Variants in PLEKHA7 observed in about 807,000 individuals in gnomAD.
The protein encoded by PLEKHA7 is pleckstrin homology domain containing A7.
A neutral mutation model predicts 170.0 loss-of-function variants in PLEKHA7; 104 were observed. That is an observed-to-expected ratio of 0.61 (90% confidence interval 0.52 to 0.72). The LOEUF (loss-of-function observed/expected upper bound fraction) is 0.72. PLEKHA7 is among the 30% of genes least tolerant of loss of function. PLEKHA7 has a pLI of 0.00. For synonymous variants in PLEKHA7, 648 were observed against 660.8 expected (o/e 0.98, Z 0.30); for missense variants, 1,615 against 1,671.7 (o/e 0.97, Z 0.59).
At chr11:16,795,039 G>C in intron 17 of PLEKHA7, 21 bp from the exon 18 acceptor site, 1 of 1,550,352 alleles carries the variant, frequency 6.5e-7, no homozygotes, top group African/African-American at 1.4e-5. Context: ...CGAAGTGGTG[G>C]GTTTGCCTTC....
chr11:17,001,459 G>A (rs971464036), intron 3 of PLEKHA7, among the ~76,000 whole-genome samples: 2 of 152,118 alleles, frequency 1.3e-5, no homozygotes, highest in Non-Finnish European at 2.9e-5. Context: ...GTGAGTGAAC[G>A]AACCTAAACC....
At chr11:16,780,109 C>T (rs1006396394) in intron 26 of PLEKHA7, among the ~76,000 whole-genome samples, 7 of 152,250 alleles carry the variant, frequency 4.6e-5, no homozygotes, top group Non-Finnish European at 1.0e-4. Flanking sequence ...AGGGGAAAGC[C>T]CTGCAAAATG....
At chr11:16,811,366 T>C (rs1046096623) in intron 13 of PLEKHA7, among the ~76,000 whole-genome samples, 1 of 152,232 alleles carries the variant, frequency 6.6e-6, no homozygotes, top group African/African-American at 2.4e-5. Context: ...ATGGATGCTC[T>C]ACAGGTATGT....
intron 3 of PLEKHA7, among the ~76,000 whole-genome samples, chr11:16,932,456 A>AT (rs1311432102): frequency 2.0e-5 from 3 of 151,340 alleles, no homozygotes; most frequent in Non-Finnish European, 3.0e-5. Flanking sequence ...TAATTTTTCA[A>AT]TTTTTTTTGG....
intron 3 of PLEKHA7, among the ~76,000 whole-genome samples, chr11:16,899,816 A>G (rs756696877): frequency 6.6e-5 from 10 of 152,364 alleles, no homozygotes; most frequent in Middle Eastern, 3.4e-3. Context: ...TGATTTGCTG[A>G]AAGGCAAAGA....
At chr11:16,938,488 C>T (rs1249960430) in intron 3 of PLEKHA7, among the ~76,000 whole-genome samples, 2 of 151,812 alleles carry the variant, frequency 1.3e-5, no homozygotes, top group Non-Finnish European at 2.9e-5. Flanking sequence ...AAGATAGGTG[C>T]CCCCCTCACT....
At chr11:16,893,639 G>C (rs1856816026) in intron 3 of PLEKHA7, among the ~76,000 whole-genome samples, 2 of 152,200 alleles carry the variant, frequency 1.3e-5, no homozygotes, top group Non-Finnish European at 2.9e-5. Context: ...GTAACAGAAG[G>C]AGAAAACCAA....
At chr11:16,992,081 C>A (rs183085116) in intron 3 of PLEKHA7, among the ~76,000 whole-genome samples, 8,352 of 152,140 alleles carry the variant, frequency 0.055, 416 homozygotes, top group East Asian at 0.15. Flanking sequence ...AGGGACCCCC[C>A]CCAGCCTGGG....
chr11:16,907,259 G>C (rs1183137832), intron 3 of PLEKHA7, among the ~76,000 whole-genome samples: 9 of 144,036 alleles, frequency 6.2e-5, no homozygotes, highest in Non-Finnish European at 1.4e-4. Context: ...GGAAGGATGT[G>C]GGGGGGTCAG....
chr11:16,937,422 C>T (rs1030025067), intron 3 of PLEKHA7, among the ~76,000 whole-genome samples: 3 of 152,102 alleles, frequency 2.0e-5, no homozygotes. Context: ...ATAAACACTA[C>T]AGAAGAGAGG....
intron 3 of PLEKHA7, among the ~76,000 whole-genome samples, chr11:16,952,401 G>T (rs1320936589): frequency 6.6e-6 from 1 of 152,098 alleles, no homozygotes; most frequent in Non-Finnish European, 1.5e-5. Context: ...AAAACATAGA[G>T]TGCTTGGGGC....
At chr11:16,911,990 T>A (rs1858281855) in intron 3 of PLEKHA7, among the ~76,000 whole-genome samples, 1 of 152,144 alleles carries the variant, frequency 6.6e-6, no homozygotes, top group African/African-American at 2.4e-5. Context: ...AGGCTTCCCA[T>A]CAAGCCAATC....
In PLEKHA7 at chr11:16,838,598, T is replaced by A. The variant is rs558051145; in HGVS notation, c.872+2949A>T. On this transcript the variant is annotated intron_variant, in intron 9 of 26. Transcript: ENST00000531066. ...ACATTAAATTAAGATAATCAGATAC[T>A]ATTTATGTATCAGATCAGTAAAATT... Among the ~76,000 whole-genome samples, 8 of 151,500 alleles carry A rather than the reference T, an allele frequency of 5.3e-5. No individual in the cohort carries two copies. The South Asian group carries it at 1.7e-3, about 31-fold the overall frequency.
At chr11:16,915,576 T>C (rs1858593385) in intron 3 of PLEKHA7, among the ~76,000 whole-genome samples, 1 of 141,882 alleles carries the variant, frequency 7.0e-6, no homozygotes. Context: ...TGTGCTCTCA[T>C]TGTTCAATTC....
intron 3 of PLEKHA7, among the ~76,000 whole-genome samples, chr11:16,993,831 T>C (rs1400084587): frequency 6.6e-6 from 1 of 152,130 alleles, no homozygotes; most frequent in African/African-American, 2.4e-5. Flanking sequence ...AATAAGGCAA[T>C]AGGCCAAAGA....
intron 3 of PLEKHA7, among the ~76,000 whole-genome samples, chr11:16,915,070 A>ATGTGGACACCTCAATGATCCCC (rs1216048153): frequency 6.6e-6 from 1 of 152,118 alleles, no homozygotes; most frequent in Non-Finnish European, 1.5e-5. Context: ...TAATAGCCCC[A>ATGTGGACACCTCAATGATCCCC]TGTGGACACC....
intron 3 of PLEKHA7, among the ~76,000 whole-genome samples, chr11:16,984,042 C>T (rs1185642875): frequency 6.6e-6 from 1 of 151,964 alleles, no homozygotes; most frequent in Non-Finnish European, 1.5e-5. Context: ...CAGAGTGAGA[C>T]CCTATCTCAA....
At chr11:16,960,348 G>A (rs989878350) in intron 3 of PLEKHA7, among the ~76,000 whole-genome samples, 1 of 152,210 alleles carries the variant, frequency 6.6e-6, no homozygotes, top group African/African-American at 2.4e-5. Context: ...AGAAGCCTGA[G>A]CTGGGCCAGG....
At chr11:16,787,239 T>G in intron 23 of PLEKHA7, 1 of 985,384 alleles carries the variant, frequency 1.0e-6, no homozygotes, top group Non-Finnish European at 1.2e-6. Context: ...TCTCTTCCCC[T>G]GAGCAAAACC....
Sources: gnomAD v4.1 joint callset for allele counts (sites outside exome capture counted in the v4.1 genomes callset) on GRCh38, gnomAD v4.1.1 for gene constraint, MANE v1.5 for transcripts, NCBI Gene and HGNC (gene_info 2026-07-23, HGNC 2026-07-21) for gene names.